EPB41L5: variants seen among roughly 807,000 people sequenced by gnomAD.
The protein encoded by EPB41L5 is band 4.1-like protein 5.
A neutral mutation model predicts 106.6 loss-of-function variants in EPB41L5; 55 were observed. The ratio of observed to expected loss-of-function variants is 0.52; its 90% CI spans 0.42 to 0.65. The LOEUF is 0.65. EPB41L5 is among the 30% of genes least tolerant of loss of function. The pLI is 0.00. For synonymous variants in EPB41L5, 297 were observed against 306.7 expected, an observed-to-expected ratio of 0.97 and a Z score of 0.33; for missense variants, 871 against 882.1, an observed-to-expected ratio of 0.99 and a Z score of 0.16.
intron 3 of EPB41L5, among the ~76,000 whole-genome samples, chr2:120,055,948 G>T (rs528739420): frequency 3.9e-5 from 6 of 152,114 alleles, no homozygotes; most frequent in Admixed American, 3.3e-4. Context: ...TTTCCTCAGT[G>T]CCCTGGCTAG....
chr2:120,043,462 G>T (rs562452661), intron 3 of EPB41L5, among the ~76,000 whole-genome samples: 2 of 151,936 alleles, frequency 1.3e-5, no homozygotes, highest in African/African-American at 4.8e-5. Flanking sequence ...TGGGAGAATC[G>T]CTTGAACCCG....
chr2:120,119,240 A>G (rs1392633648), intron 16 of EPB41L5, among the ~76,000 whole-genome samples: 1 of 151,894 alleles, frequency 6.6e-6, no homozygotes, highest in East Asian at 1.9e-4. Flanking sequence ...TGTCAGATAG[A>G]TATATTGCAA....
At chr2:120,135,134 A>G (rs1685868533) in intron 18 of EPB41L5, among the ~76,000 whole-genome samples, 1 of 152,168 alleles carries the variant, frequency 6.6e-6, no homozygotes, top group East Asian at 1.9e-4. Flanking sequence ...ATTAGCAGGA[A>G]TCCTAGAGCT....
intron 2 of EPB41L5, among the ~76,000 whole-genome samples, chr2:120,030,001 T>G (rs146724165): frequency 6.6e-6 from 1 of 152,114 alleles, no homozygotes; most frequent in African/African-American, 2.4e-5. Context: ...AAGGGAGGGA[T>G]TGAAACCGCC....
At chr2:120,149,346 A>C (rs528177464) in intron 20 of EPB41L5, among the ~76,000 whole-genome samples, 4 of 152,276 alleles carry the variant, frequency 2.6e-5, no homozygotes, top group African/African-American at 9.6e-5. Flanking sequence ...CGTCACCTCA[A>C]AAAGAAATCC....
Position 120,175,963 on chromosome 2 carries a change from T to A in EPB41L5, c.*1056T>A, listed in dbSNP as rs936707361. Reference sequence around the variant, plus strand: ...TAAATACCTACCATGTATGAAGCTATACACAGCATATACCGAAAGAACCTG... The same window carrying A: ...TAAATACCTACCATGTATGAAGCTAAACACAGCATATACCGAAAGAACCTG... On this transcript the variant is annotated 3_prime_UTR_variant, in exon 25 of 25. Coordinates refer to ENST00000263713, the MANE Select transcript of EPB41L5 (RefSeq NM_020909.4). The A allele has an allele frequency of 6.6e-6, 1 of 152,398 alleles. No homozygotes were observed. The highest frequency in any genetic ancestry group is 1.5e-5 in the Non-Finnish European group (1 of 68,044). 9.4% of individuals were successfully genotyped at this position (152,398 alleles called of 1,614,324 possible).
At chr2:120,100,352 G>T in intron 15 of EPB41L5, 66 bp downstream of exon 15, 1 of 1,472,600 alleles carries the variant, frequency 6.8e-7, no homozygotes, top group Admixed American at 1.8e-5. Flanking sequence ...TAGTAGTATT[G>T]ATTGGATTTT....
chr2:120,077,116 C>A (rs946749033), intron 8 of EPB41L5, 25 bp downstream of exon 8: 1 of 1,604,404 alleles, frequency 6.2e-7, no homozygotes, highest in Non-Finnish European at 8.5e-7. Context: ...ACCATACTTT[C>A]TTTAAAATCA....
chr2:120,052,389 A>G (rs1266741103), intron 3 of EPB41L5, among the ~76,000 whole-genome samples: 2 of 152,154 alleles, frequency 1.3e-5, no homozygotes, highest in Non-Finnish European at 2.9e-5. Context: ...TGGTCCCATT[A>G]CTAGTGATAC....
chr2:120,067,939 G>T (rs1436523370), intron 3 of EPB41L5, among the ~76,000 whole-genome samples: 2 of 152,196 alleles, frequency 1.3e-5, no homozygotes, highest in East Asian at 1.9e-4. Context: ...TGTCATCCTT[G>T]TTACTGAGGG....
chr2:120,074,078 C>CTT (rs752378294), intron 4 of EPB41L5, 22 bp from the exon 5 acceptor site: 284 of 1,245,886 alleles, frequency 2.3e-4, no homozygotes, highest in African/African-American at 5.5e-4. Flanking sequence ...TTATTAAAAC[C>CTT]TTTTTTTTTT....
chr2:120,169,597 TCTCTCTCC>T (rs936781920), intron 24 of EPB41L5, among the ~76,000 whole-genome samples: 5 of 152,170 alleles, frequency 3.3e-5, no homozygotes, highest in African/African-American at 1.2e-4. Context: ...TCCTTCTGTC[TCTCTCTCC>T]CTCTCTCACC....
intron 10 of EPB41L5, among the ~76,000 whole-genome samples, chr2:120,083,067 T>C (rs369555395): frequency 1.4e-4 from 22 of 152,156 alleles, no homozygotes; most frequent in African/African-American, 5.3e-4. Context: ...AGCTCCTGGA[T>C]TGATTTTTTT....
intron 3 of EPB41L5, among the ~76,000 whole-genome samples, chr2:120,045,609 G>C (rs1025462182): frequency 3.3e-5 from 5 of 152,004 alleles, no homozygotes; most frequent in Non-Finnish European, 2.9e-5. Flanking sequence ...ACTGTTCCTG[G>C]TATGTTTTTT....
chr2:120,052,572 A>G (rs546189584), intron 3 of EPB41L5, among the ~76,000 whole-genome samples: 64 of 152,292 alleles, frequency 4.2e-4, no homozygotes, highest in African/African-American at 1.4e-3. Context: ...AATGGGTTAT[A>G]TCTGTTACTA....
chr2:120,172,522 A>C (rs1161511073), intron 24 of EPB41L5, among the ~76,000 whole-genome samples: 1 of 152,186 alleles, frequency 6.6e-6, no homozygotes, highest in African/African-American at 2.4e-5. Context: ...GAGTTTTCCC[A>C]AACTATCAGT....
At chr2:120,076,594 C>G (rs1682260321) in intron 7 of EPB41L5, among the ~76,000 whole-genome samples, 1 of 151,020 alleles carries the variant, frequency 6.6e-6, no homozygotes, top group African/African-American at 2.4e-5. Flanking sequence ...ACCACCACAC[C>G]CAGCCTTAGT....
chr2:120,073,028 A>C (rs1156605053), intron 3 of EPB41L5, 150 bp from the exon 4 acceptor site: 2 of 637,258 alleles, frequency 3.1e-6, no homozygotes, highest in Non-Finnish European at 5.4e-6. Flanking sequence ...CTTCCTTCTC[A>C]CCTCTTTTCT....
intron 14 of EPB41L5, among the ~76,000 whole-genome samples, chr2:120,097,882 A>G (rs1683859932): frequency 6.6e-6 from 1 of 152,190 alleles, no homozygotes; most frequent in African/African-American, 2.4e-5. Flanking sequence ...CTATGGTTCA[A>G]TTAACATCAC....
Sources: gnomAD v4.1 joint callset for allele counts (sites outside exome capture counted in the v4.1 genomes callset) on GRCh38, gnomAD v4.1.1 for gene constraint, MANE v1.5 for transcripts, NCBI Gene and HGNC (gene_info 2026-07-23, HGNC 2026-07-21) for gene names.